Variants in ARHGEF28 observed in about 807,000 individuals in gnomAD.
ARHGEF28 encodes the protein 190 kDa guanine nucleotide exchange factor.
Under a neutral mutation model 206.6 loss-of-function variants are expected in ARHGEF28, and 152 were observed. The ratio of observed to expected loss-of-function variants is 0.74; its 90% CI spans 0.64 to 0.84. ARHGEF28 has a LOEUF of 0.84. ARHGEF28 is among the 40% of genes least tolerant of loss of function. The pLI is 0.00. For missense variants in ARHGEF28, 2,028 were observed against 2,073.2 expected, an observed-to-expected ratio of 0.98 and a Z score of 0.42; for synonymous variants, 763 against 776.4, an observed-to-expected ratio of 0.98 and a Z score of 0.29.
At chr5:73,703,221 C>T (rs1748702716) in intron 2 of ARHGEF28, among the ~76,000 whole-genome samples, 1 of 152,148 alleles carries the variant, frequency 6.6e-6, no homozygotes, top group Admixed American at 6.5e-5. Context: ...GTCAAATTGC[C>T]TGAATGGTAC....
At chr5:73,798,111 G>A (rs892680926) in intron 9 of ARHGEF28, among the ~76,000 whole-genome samples, 1 of 152,084 alleles carries the variant, frequency 6.6e-6, no homozygotes, top group African/African-American at 2.4e-5. Context: ...GTACATTGGA[G>A]ATGTATATAT....
intron 1 of ARHGEF28, among the ~76,000 whole-genome samples, chr5:73,632,957 T>C (rs1435439063): frequency 6.6e-6 from 1 of 151,928 alleles, no homozygotes; most frequent in Non-Finnish European, 1.5e-5. Context: ...CTCACCATAA[T>C]GTAGAATCAG....
chr5:73,742,079 T>C (rs1462911246), intron 2 of ARHGEF28, among the ~76,000 whole-genome samples: 1 of 152,232 alleles, frequency 6.6e-6, no homozygotes, highest in Non-Finnish European at 1.5e-5. Context: ...CTTTCCCTAG[T>C]AATATGTGTT....
chr5:73,657,742 A>G (rs1331674358), intron 1 of ARHGEF28, among the ~76,000 whole-genome samples: 1 of 152,186 alleles, frequency 6.6e-6, no homozygotes, highest in East Asian at 1.9e-4. Context: ...TTAGGCTGAG[A>G]CCAGAAACAT....
intron 7 of ARHGEF28, among the ~76,000 whole-genome samples, chr5:73,781,304 G>A (rs1753832022): frequency 1.3e-5 from 2 of 152,268 alleles, no homozygotes; most frequent in Non-Finnish European, 1.5e-5. Context: ...TGGTGATTCA[G>A]AGACGGCATG....
At position 73,941,047 on chromosome 5, in the gene ARHGEF28, C is replaced by G. The variant is rs1742584245; in HGVS notation, c.*34C>G. 25 of 1,432,472 alleles carry G rather than the reference C, an allele frequency of 1.7e-5. No homozygotes were observed. Among genetic ancestry groups the G allele is most frequent in the East Asian group, 2.7e-5 (1 of 37,692 alleles). 88.7% of individuals were successfully genotyped at this position (1,432,472 alleles called of 1,614,324 possible). On this transcript the variant is annotated 3_prime_UTR_variant, in exon 36 of 36. Coordinates refer to ENST00000513042, the MANE Select transcript of ARHGEF28 (RefSeq NM_001177693.2). ...TCATTTTTCCAAACAAAACAAAACA[C>G]TGGCACTTTTGGGAGAAACTTTTTG...
chr5:73,933,859 AAC>A (rs1764269796), intron 35 of ARHGEF28, among the ~76,000 whole-genome samples: 1 of 152,076 alleles, frequency 6.6e-6, no homozygotes, highest in Admixed American at 6.5e-5. Flanking sequence ...AAAAAAAATT[AAC>A]AGTTGTTACT....
intron 35 of ARHGEF28, among the ~76,000 whole-genome samples, chr5:73,928,501 G>C (rs1468107412): frequency 2.0e-5 from 3 of 152,160 alleles, no homozygotes; most frequent in Non-Finnish European, 4.4e-5. Flanking sequence ...TAATTATTAA[G>C]AAGCAGGTAG....
At chr5:73,925,265 T>C (rs1424889018) in intron 35 of ARHGEF28, among the ~76,000 whole-genome samples, 3 of 152,146 alleles carry the variant, frequency 2.0e-5, no homozygotes, top group Non-Finnish European at 4.4e-5. Context: ...TGCTGTTCTC[T>C]CCTTTCTCAT....
intron 1 of ARHGEF28, among the ~76,000 whole-genome samples, chr5:73,672,580 A>G (rs911265438): frequency 6.6e-5 from 10 of 152,202 alleles, no homozygotes; most frequent in Admixed American, 2.0e-4. Flanking sequence ...GTGACAGTAC[A>G]TTGGGTTTTG....
intron 22 of ARHGEF28, among the ~76,000 whole-genome samples, chr5:73,877,641 C>G (rs1259023739): frequency 2.0e-5 from 3 of 149,668 alleles, no homozygotes; most frequent in African/African-American, 7.5e-5. Context: ...TTGTTGGTTT[C>G]AAAGAACATC....
chr5:73,871,248 C>A (rs941782820), intron 21 of ARHGEF28, among the ~76,000 whole-genome samples: 1 of 152,168 alleles, frequency 6.6e-6, no homozygotes, highest in South Asian at 2.1e-4. Context: ...TTTACCTTCT[C>A]TTCCTCACTG....
At chr5:73,921,167 G>T (rs368012) in intron 35 of ARHGEF28, among the ~76,000 whole-genome samples, 43,204 of 152,102 alleles carry the variant, frequency 0.28, 8,083 homozygotes, top group African/African-American at 0.52. Flanking sequence ...GGCCTTCTAG[G>T]TATCAGCCTT....
intron 9 of ARHGEF28, among the ~76,000 whole-genome samples, chr5:73,807,177 C>G (rs1041185477): frequency 1.3e-5 from 2 of 151,938 alleles, no homozygotes; most frequent in Admixed American, 6.6e-5. Flanking sequence ...TATCCCTGCA[C>G]CCCTGCTCTG....
chr5:73,938,239 T>C (rs531155299), intron 35 of ARHGEF28, among the ~76,000 whole-genome samples: 9 of 151,734 alleles, frequency 5.9e-5, no homozygotes, highest in African/African-American at 1.9e-4. Context: ...TGGTTCTGTA[T>C]CTTCTTGAAG....
intron 30 of ARHGEF28, 169 bp from the exon 31 acceptor site, chr5:73,901,015 T>C: frequency 1.8e-6 from 1 of 547,646 alleles, no homozygotes; most frequent in Admixed American, 3.0e-5. Context: ...AGGGACCACA[T>C]GCATTGCTCT....
chr5:73,851,508 A>G (rs961785804), intron 13 of ARHGEF28, among the ~76,000 whole-genome samples: 1 of 151,640 alleles, frequency 6.6e-6, no homozygotes, highest in African/African-American at 2.4e-5. Flanking sequence ...TTGGTCTATT[A>G]TAGATTTAGG....
chr5:73,688,999 A>C (rs1747648395), intron 2 of ARHGEF28, among the ~76,000 whole-genome samples: 1 of 152,178 alleles, frequency 6.6e-6, no homozygotes, highest in South Asian at 2.1e-4. Context: ...AGTAGCATCA[A>C]GTTGTTTTGT....
chr5:73,880,755 A>C (rs1482421038), intron 22 of ARHGEF28, among the ~76,000 whole-genome samples: 1 of 152,146 alleles, frequency 6.6e-6, no homozygotes, highest in East Asian at 1.9e-4. Context: ...CATCATGATG[A>C]ATCCCTGTCT....
Sources: allele counts gnomAD v4.1 joint callset (sites outside exome capture counted in the v4.1 genomes callset), GRCh38; gene constraint gnomAD v4.1.1; transcripts MANE v1.5; gene names NCBI Gene and HGNC (gene_info 2026-07-23, HGNC 2026-07-21).